INPP5D: variants seen among roughly 807,000 people sequenced by gnomAD.
INPP5D encodes inositol polyphosphate-5-phosphatase D.
INPP5D carries 33 observed loss-of-function variants against 122.9 expected under a neutral mutation model. That is an observed-to-expected ratio of 0.27 (90% CI 0.20 to 0.36). The LOEUF (loss-of-function observed/expected upper bound fraction) is 0.36, where lower values mean the gene tolerates loss of function less well. Ranked by LOEUF, INPP5D falls within the 10% of genes least tolerant of loss-of-function variation. The probability of loss-of-function intolerance (pLI) is 1.00; values close to 1 mark genes in which losing one functional copy is unlikely to be tolerated. For missense variants in INPP5D, 1,053 were observed against 1,412.7 expected, an observed-to-expected ratio of 0.75 and a Z score of 4.08; for synonymous variants, 584 against 576.2, an observed-to-expected ratio of 1.01 and a Z score of -0.19.
rs777863091 is a variant in INPP5D, at chr2:233,177,292, G to A, written c.2017G>A (p.Asp673Asn). Residue 673 changes from aspartate (D) to asparagine (N), a missense_variant, in exon 18 of 27, where the codon GAC (aspartate) becomes AAC (asparagine). Around this residue, in one of 6 missense-constraint regions of INPP5D, gnomAD observed 258 missense variants for 439.1 expected, o/e 0.59. Coordinates refer to ENST00000445964, the MANE Select transcript of INPP5D (RefSeq NM_001017915.3). This position sits in a 1 kb window ranked among gnomAD's most constrained non-coding sequence, Gnocchi z 4.2. ...GMKYNLPSWC[D>N]RVLWKSYPLV... ...GAAGTACAACTTGCCTTCCTGGTGT[G>A]ACCGAGTCCTCTGGAAGTCTTATCC... is the stretch of plus-strand genomic sequence containing the variant. The A allele has an allele frequency of 6.2e-7, 1 of 1,613,866 alleles. No homozygotes were observed. Among genetic ancestry groups the A allele is most frequent in the Non-Finnish European group, 8.5e-7 (1 of 1,179,856 alleles).
At chr2:233,122,059 C>T (rs1224955398) in intron 2 of INPP5D, 48 bp from the exon 3 acceptor site, 1 of 1,603,604 alleles carries the variant, frequency 6.2e-7, no homozygotes, top group Admixed American at 1.7e-5. Flanking sequence ...GGTTGGCTGA[C>T]ATTCTAGTTG....
At chr2:233,130,310 C>A (rs113544272) in intron 4 of INPP5D, among the ~76,000 whole-genome samples, 198 bp from the exon 5 acceptor site, 14 of 152,172 alleles carry the variant, frequency 9.2e-5, no homozygotes, top group African/African-American at 3.1e-4. Flanking sequence ...GCCACTTCTT[C>A]TTGCTCTGAC....
intron 1 of INPP5D, among the ~76,000 whole-genome samples, chr2:233,079,017 C>T (rs753601701): frequency 2.0e-5 from 3 of 152,044 alleles, no homozygotes; most frequent in Admixed American, 1.3e-4. Context: ...TCTTGGCAGC[C>T]GAGAGGTTAA....
chr2:233,073,071 C>A (rs961258695), intron 1 of INPP5D, among the ~76,000 whole-genome samples: 5 of 152,210 alleles, frequency 3.3e-5, no homozygotes, highest in Non-Finnish European at 7.3e-5. Context: ...CAAATCAGCC[C>A]ATCCCCCCTT....
intron 17 of INPP5D, among the ~76,000 whole-genome samples, chr2:233,173,931 A>AAAAAC (rs1694555968): frequency 6.6e-6 from 1 of 150,992 alleles, no homozygotes; most frequent in Non-Finnish European, 1.5e-5. Flanking sequence ...GTCTCAAAAA[A>AAAAAC]AAAAACAAAA....
chr2:233,137,417 C>T (rs964050423), intron 5 of INPP5D, among the ~76,000 whole-genome samples: 1 of 149,794 alleles, frequency 6.7e-6, no homozygotes, highest in African/African-American at 2.5e-5. Flanking sequence ...AAACTAATTA[C>T]AATCGATAGG....
At chr2:233,167,556 G>A (rs1217571766) in intron 13 of INPP5D, among the ~76,000 whole-genome samples, 3 of 152,298 alleles carry the variant, frequency 2.0e-5, no homozygotes, top group South Asian at 4.1e-4. Flanking sequence ...ACCCTCCCAG[G>A]TTGCGGGCAG....
intron 25 of INPP5D, among the ~76,000 whole-genome samples, chr2:233,201,819 T>C (rs1293934365): frequency 6.6e-6 from 1 of 152,228 alleles, no homozygotes; most frequent in Non-Finnish European, 1.5e-5. Flanking sequence ...ACTCGTCTCC[T>C]GAATCTGAGA....
At chr2:233,071,356 T>G (rs1170666916) in intron 1 of INPP5D, among the ~76,000 whole-genome samples, 1 of 152,182 alleles carries the variant, frequency 6.6e-6, no homozygotes, top group Non-Finnish European at 1.5e-5. Context: ...CCAAAACCTC[T>G]TACTGAATAA....
rs546128543 is a variant in INPP5D at position 233,105,954 on chromosome 2, T to C, written c.199-16153T>C. 9.8e-5 allele frequency among the ~76,000 whole-genome samples: 15 copies of C among 152,290 alleles called. No individual in the cohort carries two copies. Among genetic ancestry groups the C allele is most frequent in the Non-Finnish European group, 1.5e-4 (10 of 68,024 alleles). On this transcript the variant is annotated intron_variant, in intron 2 of 26. Coordinates refer to ENST00000445964, the MANE Select transcript of INPP5D (RefSeq NM_001017915.3). This position sits in a 1 kb window ranked among gnomAD's most constrained non-coding sequence, Gnocchi z 4.0. ...AGAGCAGTCGCTATGGGAATGAGCA[T>C]GTGGAACTTGACGATTTGTCCCTAT...
At chr2:233,110,398 T>A (rs1692589070) in intron 2 of INPP5D, among the ~76,000 whole-genome samples, 1 of 151,740 alleles carries the variant, frequency 6.6e-6, no homozygotes, top group Non-Finnish European at 1.5e-5. Flanking sequence ...CGAGTTCTCA[T>A]TATGTTGCCC....
At chr2:233,135,142 C>G (rs1349354537) in intron 5 of INPP5D, among the ~76,000 whole-genome samples, 1 of 150,636 alleles carries the variant, frequency 6.6e-6, no homozygotes, top group Non-Finnish European at 1.5e-5. Flanking sequence ...TTTTGAGAAG[C>G]TCCATAATGA....
Position 233,099,936 on chromosome 2 carries a change from T to TGGC in INPP5D, c.198+20539_198+20541dup, listed in dbSNP as rs200931173. On this transcript the variant is annotated intron_variant, in intron 2 of 26. Coordinates refer to ENST00000445964, the MANE Select transcript of INPP5D (RefSeq NM_001017915.3). ...CGGAAGGTGAAGGGCACATCTCATG[T>TGGC]GGCAGACAAGAGAAGAATGAGCTTG... Among the ~76,000 whole-genome samples, 456 of 152,348 alleles carry TGGC rather than the reference T, an allele frequency of 3.0e-3. 6 individuals are homozygous for TGGC. The highest frequency in any genetic ancestry group is 9.4e-3 in the African/African-American group (391 of 41,580).
Position 233,170,698 on chromosome 2 carries a change from T to C in INPP5D, c.1900+94T>C. Reference sequence around the variant, plus strand: ...GCGGGCGGATCACGAGATCAGGAGATGGAGACCATCCTGGCTAACACAGTG... The same window carrying C: ...GCGGGCGGATCACGAGATCAGGAGACGGAGACCATCCTGGCTAACACAGTG... On this transcript the variant is annotated intron_variant, in intron 16 of 26. Coordinates refer to ENST00000445964, the MANE Select transcript of INPP5D (RefSeq NM_001017915.3). This position sits in a 1 kb window ranked among gnomAD's most constrained non-coding sequence, Gnocchi z 4.5. 1 of 1,500,740 alleles carries C rather than the reference T, an allele frequency of 6.7e-7. No individual in the cohort carries two copies. 93.0% of individuals were successfully genotyped at this position (1,500,740 alleles called of 1,614,324 possible). A position where few individuals can be genotyped will look rare whatever the true frequency, so the allele number is the denominator to read the frequency against.
chr2:233,153,923 G>A (rs1008677194), intron 9 of INPP5D, among the ~76,000 whole-genome samples: 1 of 152,164 alleles, frequency 6.6e-6, no homozygotes, highest in Non-Finnish European at 1.5e-5. Context: ...GCAGGAGTTA[G>A]AAGTCTTCTC....
rs377730241 is a variant in INPP5D at position 233,107,417 on chromosome 2, C to T, written c.199-14690C>T. On this transcript the variant is annotated intron_variant, in intron 2 of 26. Coordinates refer to ENST00000445964, the MANE Select transcript of INPP5D (RefSeq NM_001017915.3). ...CTAGATCTCCCCATGGGCAAGGTGGCTCCAGTGCTCAAAGGCAGTTGTCTG... is the reference window on the plus strand; with the variant it reads ...CTAGATCTCCCCATGGGCAAGGTGGTTCCAGTGCTCAAAGGCAGTTGTCTG... Among the ~76,000 whole-genome samples, 28 of 152,308 alleles carry T rather than the reference C, an allele frequency of 1.8e-4. No homozygotes were observed. In the East Asian group the frequency reaches 4.6e-3, roughly 25 times the overall value.
chr2:233,176,117 G>A (rs1694618205), intron 17 of INPP5D, among the ~76,000 whole-genome samples: 1 of 152,244 alleles, frequency 6.6e-6, no homozygotes, highest in African/African-American at 2.4e-5. Context: ...GCTAGAACAT[G>A]AGGGGATAAG....
At chr2:233,168,005 C>CAAA (rs58025565) in intron 13 of INPP5D, among the ~76,000 whole-genome samples, 686 of 72,280 alleles carry the variant, frequency 9.5e-3, no homozygotes, top group Middle Eastern at 0.012. Flanking sequence ...ACTCTGTCTC[C>CAAA]AAAAAAAAAA....
rs896395948 is a variant in INPP5D, at chr2:233,105,967, G to T, written c.199-16140G>T. Among the ~76,000 whole-genome samples the T allele has an allele frequency of 3.9e-5, 6 of 152,206 alleles. No homozygotes were observed. The highest frequency in any genetic ancestry group is 1.4e-4 in the African/African-American group (6 of 41,442). ...TGGGAATGAGCATGTGGAACTTGACGATTTGTCCCTATTGGCAGATACTGA... is the reference window on the plus strand; with the variant it reads ...TGGGAATGAGCATGTGGAACTTGACTATTTGTCCCTATTGGCAGATACTGA... On this transcript the variant is annotated intron_variant, in intron 2 of 26. Coordinates refer to ENST00000445964, the MANE Select transcript of INPP5D (RefSeq NM_001017915.3). The surrounding 1 kb of genome is among the most constrained non-coding windows in gnomAD (Gnocchi z 4.0).
Sources: allele counts gnomAD v4.1 joint callset (sites outside exome capture counted in the v4.1 genomes callset), GRCh38; gene constraint gnomAD v4.1.1; regional missense constraint gnomAD v4.1.1; non-coding constraint Gnocchi (gnomAD v3.1); transcripts MANE v1.5; gene names NCBI Gene and HGNC (gene_info 2026-07-23, HGNC 2026-07-21).